Variants in SPIRE1 observed in about 807,000 individuals in gnomAD.
SPIRE1 encodes spire type actin nucleation factor 1, also known as protein spire homolog 1.
In SPIRE1, 40 loss-of-function variants were observed where a neutral mutation model predicts 94.1. The ratio of observed to expected loss-of-function variants is 0.43; its 90% confidence interval spans 0.33 to 0.55. The LOEUF (loss-of-function observed/expected upper bound fraction) is 0.55. SPIRE1 is among the 20% of genes least tolerant of loss of function. The probability of loss-of-function intolerance (pLI) is 0.06; values close to 1 mark genes in which losing one functional copy is unlikely to be tolerated. For synonymous variants in SPIRE1, 376 were observed against 371.7 expected (o/e 1.01, Z -0.13); for missense variants, 838 against 975.2 (o/e 0.86, Z 1.87).
intron 2 of SPIRE1, among the ~76,000 whole-genome samples, chr18:12,593,953 GA>G (rs71371279): frequency 0.38 from 54,374 of 144,624 alleles, 10,561 homozygotes; most frequent in East Asian, 0.61. Flanking sequence ...GCTGTCTCAA[GA>G]AAAAAAAAAA....
chr18:12,658,193 G>A (rs1437922794), upstream of SPIRE1: 10 of 651,776 alleles, frequency 1.5e-5, no homozygotes, highest in South Asian at 1.1e-4. Flanking sequence ...GCCGGGGGAT[G>A]CACGCTCTGG....
intron 4 of SPIRE1, among the ~76,000 whole-genome samples, chr18:12,515,113 G>A (rs1446227739): frequency 6.6e-6 from 1 of 152,040 alleles, no homozygotes. Flanking sequence ...TGATCCCACA[G>A]AAGCAATATA....
At chr18:12,476,318 C>T (rs555864471) in intron 10 of SPIRE1, among the ~76,000 whole-genome samples, 1 of 151,942 alleles carries the variant, frequency 6.6e-6, no homozygotes, top group East Asian at 1.9e-4. Context: ...GCAGGTGGAT[C>T]ACTTGAGGTC....
intron 10 of SPIRE1, among the ~76,000 whole-genome samples, chr18:12,472,701 C>T (rs1405746115): frequency 6.6e-6 from 1 of 151,382 alleles, no homozygotes; most frequent in African/African-American, 2.4e-5. Flanking sequence ...GCTCTGTCAC[C>T]CAGGCTGGAG....
chr18:12,478,326 G>A (rs1490630942), intron 10 of SPIRE1, among the ~76,000 whole-genome samples: 3 of 151,710 alleles, frequency 2.0e-5, no homozygotes, highest in Non-Finnish European at 4.4e-5. Context: ...TAGCTAGGGT[G>A]TGTGTGTGCA....
chr18:12,586,296 T>C (rs2036388628), intron 2 of SPIRE1, among the ~76,000 whole-genome samples: 1 of 152,188 alleles, frequency 6.6e-6, no homozygotes, highest in Non-Finnish European at 1.5e-5. Flanking sequence ...AAAAATCACA[T>C]TTCACAACTG....
At position 12,588,611 on chromosome 18, in the gene SPIRE1, A is replaced by T. The variant is rs1466623380; in HGVS notation, c.373-41707T>A. 2.6e-5 allele frequency among the ~76,000 whole-genome samples: 4 copies of T among 151,434 alleles called. No individual in the cohort carries two copies. The South Asian group carries it at 8.3e-4, about 31-fold the overall frequency. On this transcript the variant is annotated intron_variant, in intron 2 of 16. Transcript: ENST00000409402. ...TGCTCTCCTTGTCTCACTTTAAAAAAAAAAAAAAAAAAAACCTCCGTGGAC... is the reference window on the plus strand; with the variant it reads ...TGCTCTCCTTGTCTCACTTTAAAAATAAAAAAAAAAAAAACCTCCGTGGAC...
chr18:12,613,612 G>A (rs77688393), intron 2 of SPIRE1, among the ~76,000 whole-genome samples: 4 of 152,132 alleles, frequency 2.6e-5, no homozygotes, highest in East Asian at 1.9e-4. Context: ...AATAATTTTC[G>A]TATCTGGCCG....
chr18:12,654,791 A>G (rs1241709900), intron 1 of SPIRE1, among the ~76,000 whole-genome samples: 1 of 152,180 alleles, frequency 6.6e-6, no homozygotes, highest in African/African-American at 2.4e-5. Flanking sequence ...GCACTTTGGG[A>G]GGCCGAGGCA....
intron 12 of SPIRE1, among the ~76,000 whole-genome samples, chr18:12,455,174 G>C (rs549413058): frequency 6.6e-6 from 1 of 152,180 alleles, no homozygotes; most frequent in Admixed American, 6.5e-5. Flanking sequence ...CTGGGCTCAA[G>C]TGATCTGCCC....
At chr18:12,475,714 A>G (rs972947184) in intron 10 of SPIRE1, among the ~76,000 whole-genome samples, 1 of 152,252 alleles carries the variant, frequency 6.6e-6, no homozygotes, top group African/African-American at 2.4e-5. Context: ...GTTTAGGAAT[A>G]GATAGAATTC....
At chr18:12,591,769 A>T (rs2036542025) in intron 2 of SPIRE1, among the ~76,000 whole-genome samples, 1 of 152,012 alleles carries the variant, frequency 6.6e-6, no homozygotes, top group Non-Finnish European at 1.5e-5. Flanking sequence ...CGAGGTCAGG[A>T]CCATCCTGGC....
At chr18:12,527,923 G>A (rs1442772443) in intron 4 of SPIRE1, among the ~76,000 whole-genome samples, 6 of 151,976 alleles carry the variant, frequency 3.9e-5, no homozygotes, top group Admixed American at 6.6e-5. Context: ...AAAATTAGCC[G>A]GGCGTGGTGG....
chr18:12,504,421 C>A (rs1202217590), intron 6 of SPIRE1, among the ~76,000 whole-genome samples: 2 of 151,950 alleles, frequency 1.3e-5, no homozygotes, highest in Non-Finnish European at 2.9e-5. Flanking sequence ...GCACGAGAAT[C>A]ACTTGAACCT....
At chr18:12,616,036 GT>G (rs1160609253) in intron 2 of SPIRE1, among the ~76,000 whole-genome samples, 31 of 151,158 alleles carry the variant, frequency 2.1e-4, no homozygotes, top group African/African-American at 5.1e-4. Flanking sequence ...CAAGCTCTTC[GT>G]TTTTTTTTTC....
intron 2 of SPIRE1, among the ~76,000 whole-genome samples, chr18:12,567,750 T>A (rs2035854141): frequency 6.6e-6 from 1 of 152,236 alleles, no homozygotes; most frequent in Non-Finnish European, 1.5e-5. Flanking sequence ...ATTCTGGGTC[T>A]GGAAATGGCT....
At chr18:12,501,104 A>G (rs568039958) in intron 6 of SPIRE1, among the ~76,000 whole-genome samples, 38 of 151,212 alleles carry the variant, frequency 2.5e-4, no homozygotes, top group African/African-American at 9.2e-4. Flanking sequence ...AAGAAAAAAA[A>G]AAAGAAGGAG....
intron 6 of SPIRE1, among the ~76,000 whole-genome samples, chr18:12,500,782 A>G (rs1012593346): frequency 6.6e-6 from 1 of 152,158 alleles, no homozygotes; most frequent in African/African-American, 2.4e-5. Flanking sequence ...AAGAAGAAGT[A>G]AAGTAGCTCG....
Position 12,545,933 on chromosome 18 carries a change from T to C in SPIRE1, c.603+741A>G, listed in dbSNP as rs531437818. 3.3e-5 allele frequency among the ~76,000 whole-genome samples: 5 copies of C among 152,336 alleles called. No homozygotes were observed. The South Asian group carries it at 8.3e-4, about 25-fold the overall frequency. Reference sequence around the variant, plus strand: ...GTTATGATTCAATCATAAATGTCCATGTTCAGGCTGCTGACAAATCTGGGA... The same window carrying C: ...GTTATGATTCAATCATAAATGTCCACGTTCAGGCTGCTGACAAATCTGGGA... On this transcript the variant is annotated intron_variant, in intron 3 of 16. Transcript: ENST00000409402.
Sources: allele counts gnomAD v4.1 joint callset (sites outside exome capture counted in the v4.1 genomes callset), GRCh38; gene constraint gnomAD v4.1.1; transcripts MANE v1.5; gene names NCBI Gene and HGNC (gene_info 2026-07-23, HGNC 2026-07-21).